NPR3: variants seen among roughly 807,000 people sequenced by gnomAD.
NPR3 encodes atrial natriuretic peptide receptor 3.
In NPR3, 34 loss-of-function variants were observed where a neutral mutation model predicts 54.5. The ratio of observed to expected loss-of-function variants is 0.62; its 90% CI spans 0.47 to 0.83. NPR3 has a LOEUF of 0.83. NPR3 is among the 40% of genes least tolerant of loss of function. The probability of loss-of-function intolerance (pLI) is 0.00; values close to 1 mark genes in which losing one functional copy is unlikely to be tolerated. For missense variants in NPR3, 674 were observed against 720.8 expected, an observed-to-expected ratio of 0.94 and a Z score of 0.74; for synonymous variants, 289 against 297.1, an observed-to-expected ratio of 0.97 and a Z score of 0.28.
chr5:32,767,331 G>T (rs963549716), intron 3 of NPR3, among the ~76,000 whole-genome samples: 23 of 152,214 alleles, frequency 1.5e-4, no homozygotes, highest in Non-Finnish European at 2.2e-4. Flanking sequence ...TCTTTTTCCT[G>T]TTCGGAGGTT....
At chr5:32,750,311 T>A (rs1257864791) in intron 3 of NPR3, among the ~76,000 whole-genome samples, 1 of 152,108 alleles carries the variant, frequency 6.6e-6, no homozygotes, top group East Asian at 1.9e-4. Flanking sequence ...AATTTTTGGA[T>A]TTTTAGTAGA....
intron 1 of NPR3, 40 bp downstream of exon 1, chr5:32,712,585 A>G (rs757126973): frequency 6.7e-7 from 1 of 1,489,226 alleles, no homozygotes; most frequent in African/African-American, 1.4e-5. Flanking sequence ...CCCTAACCCA[A>G]CCGCTCTCCG....
chr5:32,765,130 C>T (rs759893212), intron 3 of NPR3, among the ~76,000 whole-genome samples: 4 of 152,002 alleles, frequency 2.6e-5, no homozygotes, highest in Admixed American at 1.3e-4. Context: ...TGGTAAGTAC[C>T]GCAATTGCTA....
intron 2 of NPR3, among the ~76,000 whole-genome samples, chr5:32,735,671 C>T (rs928006410): frequency 1.3e-5 from 2 of 152,140 alleles, no homozygotes; most frequent in African/African-American, 4.8e-5. Context: ...CTCATCATAT[C>T]ACTCTTCTGT....
At chr5:32,724,528 C>T (rs747009746) in intron 1 of NPR3, among the ~76,000 whole-genome samples, 170 bp from the exon 2 acceptor site, 12 of 152,092 alleles carry the variant, frequency 7.9e-5, no homozygotes, top group Admixed American at 2.6e-4. Flanking sequence ...GTTATGGAGG[C>T]GTCTGCTAGG....
At chr5:32,783,906 T>G (rs1288220603) in intron 6 of NPR3, among the ~76,000 whole-genome samples, 1 of 152,204 alleles carries the variant, frequency 6.6e-6, no homozygotes, top group Non-Finnish European at 1.5e-5. Context: ...AGATAACACA[T>G]TGAAGGGCCG....
intron 3 of NPR3, among the ~76,000 whole-genome samples, chr5:32,755,626 C>A (rs1740796084): frequency 6.6e-6 from 1 of 152,192 alleles, no homozygotes; most frequent in African/African-American, 2.4e-5. Flanking sequence ...ACTAGAGACG[C>A]ATTAGACACA....
intron 3 of NPR3, among the ~76,000 whole-genome samples, chr5:32,753,624 CTTTTTTTTT>C (rs70961660): frequency 1.9e-5 from 2 of 102,788 alleles, no homozygotes; most frequent in African/African-American, 3.8e-5. Context: ...TCTCAGCATC[CTTTTTTTTT>C]TTTTTTTTTT....
intron 1 of NPR3, among the ~76,000 whole-genome samples, chr5:32,699,721 A>T (rs1279095128): frequency 6.6e-6 from 1 of 152,218 alleles, no homozygotes; most frequent in Non-Finnish European, 1.5e-5. Flanking sequence ...TGAGTAGTTT[A>T]CACACCACAA....
intron 2 of NPR3, 124 bp from the exon 3 acceptor site, chr5:32,738,740 A>G (rs1739882828): frequency 2.6e-6 from 2 of 768,052 alleles, no homozygotes; most frequent in Non-Finnish European, 4.2e-6. Flanking sequence ...GTGCAAAACT[A>G]TGACAATACT....
rs566729054 is a variant in NPR3 at position 32,765,398 on chromosome 5, C to G, written c.1060-9310C>G. ...ACAGCTATAACAAGCCTTGTGATTT[C>G]TTCCCCTAGCTTATAGAACATTAGT... On this transcript the variant is annotated intron_variant, in intron 3 of 7. Transcript: ENST00000265074. Among the ~76,000 whole-genome samples the G allele has an allele frequency of 7.5e-4, 115 of 152,326 alleles. 1 individual carries two copies. The highest frequency in any genetic ancestry group is 2.7e-3 in the African/African-American group (113 of 41,572).
chr5:32,695,372 C>T (rs1740499070), intron 1 of NPR3, among the ~76,000 whole-genome samples: 1 of 152,222 alleles, frequency 6.6e-6, no homozygotes, highest in Non-Finnish European at 1.5e-5. Flanking sequence ...TCACGCCATT[C>T]TCCTGCCTCA....
At chr5:32,707,717 T>C (rs1274279561), upstream of NPR3, among the ~76,000 whole-genome samples, 1 of 151,950 alleles carries the variant, frequency 6.6e-6, no homozygotes, top group Non-Finnish European at 1.5e-5. Flanking sequence ...AAAATCTAGG[T>C]GGGTTCTTAG....
At chr5:32,729,030 GT>G (rs1394204160) in intron 2 of NPR3, among the ~76,000 whole-genome samples, 3,193 of 59,936 alleles carry the variant, frequency 0.053, 127 homozygotes, top group Middle Eastern at 0.1. Context: ...TTTTTTTTTT[GT>G]TTTGTTTTTT....
At chr5:32,783,990 T>C (rs116825984) in intron 6 of NPR3, among the ~76,000 whole-genome samples, 2 of 152,234 alleles carry the variant, frequency 1.3e-5, no homozygotes, top group East Asian at 3.8e-4. Context: ...CTTGATTGTT[T>C]CAAATTGTTA....
In NPR3 at chr5:32,775,324, T is replaced by C. The variant is rs1741988599; in HGVS notation, c.1195+481T>C. Among the ~76,000 whole-genome samples the C allele has an allele frequency of 2.0e-5, 3 of 151,710 alleles. No homozygotes were observed. The South Asian group carries it at 6.2e-4, about 32-fold the overall frequency. On this transcript the variant is annotated intron_variant, in intron 4 of 7. Transcript: ENST00000265074. The stretch of plus-strand genomic sequence containing the variant: ...TTTTTTTTTTTTGAGACGGAGTTTT[T>C]GCTCTTGTTGCCCAGGCTGGAGTTC...
intron 1 of NPR3, among the ~76,000 whole-genome samples, chr5:32,701,831 C>G (rs774949077): frequency 6.6e-6 from 1 of 152,170 alleles, no homozygotes; most frequent in Non-Finnish European, 1.5e-5. Flanking sequence ...TCTGGATTAC[C>G]AGGCAGAGAC....
intron 3 of NPR3, among the ~76,000 whole-genome samples, chr5:32,766,215 G>C (rs570759265): frequency 6.6e-6 from 1 of 152,172 alleles, no homozygotes; most frequent in Non-Finnish European, 1.5e-5. Context: ...GTAGAATTTT[G>C]TACTCTAGAG....
At chr5:32,781,535 A>G (rs889837773) in intron 5 of NPR3, among the ~76,000 whole-genome samples, 2 of 152,110 alleles carry the variant, frequency 1.3e-5, no homozygotes, top group African/African-American at 4.8e-5. Flanking sequence ...TCCTCTTTGT[A>G]TGTATCAGGT....
Sources: gnomAD v4.1 joint callset for allele counts (sites outside exome capture counted in the v4.1 genomes callset) on GRCh38, gnomAD v4.1.1 for gene constraint, MANE v1.5 for transcripts, NCBI Gene and HGNC (gene_info 2026-07-23, HGNC 2026-07-21) for gene names.